Variants in EVC2 observed in about 807,000 individuals in gnomAD.
The protein encoded by EVC2 is EvC ciliary complex subunit 2.
In EVC2, 148 loss-of-function variants were observed where a neutral mutation model predicts 149.3. The observed-to-expected ratio is 0.99, with a 90% confidence interval of 0.87 to 1.14. The LOEUF is 1.14. Among genes scored for constraint, EVC2 ranks in the 50% most tolerant of loss-of-function variants. The pLI is 0.00. For synonymous variants in EVC2, 776 were observed against 649.9 expected, an observed-to-expected ratio of 1.19 and a Z score of -2.95; for missense variants, 1,854 against 1,627.3, an observed-to-expected ratio of 1.14 and a Z score of -2.40.
Position 5,694,361 on chromosome 4 carries a change from T to C in EVC2, c.424A>G (p.Arg142Gly). 1 of 1,614,144 alleles carries C rather than the reference T, an allele frequency of 6.2e-7. No individual in the cohort carries two copies. The highest frequency in any genetic ancestry group is 8.5e-7 in the Non-Finnish European group (1 of 1,180,000). The change falls in exon 3 of 22, where the codon AGA (arginine) becomes GGA (glycine). Residue 142 changes from arginine to glycine, a missense_variant. Coordinates refer to ENST00000344408, the MANE Select transcript of EVC2 (RefSeq NM_147127.5). Reference sequence around the variant, plus strand: ...AGGCGGTGTGTTATAGGAGACTCTCTTTTAAATAAGTTCTTCTTAGGCCAG... The same window carrying C: ...AGGCGGTGTGTTATAGGAGACTCTCCTTTAAATAAGTTCTTCTTAGGCCAG... ...PSWPKKNLFKRESPITHRLYG... is the reference protein window; with the variant it reads ...PSWPKKNLFKGESPITHRLYG...
intron 7 of EVC2, 84 bp downstream of exon 7, chr4:5,681,176 C>T (rs1023180083): frequency 1.8e-5 from 27 of 1,511,308 alleles, no homozygotes; most frequent in East Asian, 6.8e-5. Flanking sequence ...AGCAGCTGGC[C>T]GCTCCCCATG....
chr4:5,708,443 G>A lies in EVC2; in HGVS notation c.71C>T (p.Ala24Val), dbSNP rs1162069166. 3 of 1,506,552 alleles carry A rather than the reference G, an allele frequency of 2.0e-6. No individual in the cohort carries two copies. The highest frequency in any genetic ancestry group is 2.6e-6 in the Non-Finnish European group (3 of 1,135,244). 93.3% of individuals were successfully genotyped at this position (1,506,552 alleles called of 1,614,324 possible). ...LAGGLLAVAL[A>V]LGGRGCLGAS... ...GCCGAGACAGCCTCGGCCCCCCAGCGCCAGGGCCACTGCCAGGAGACCCCC... is the reference window on the plus strand; with the variant it reads ...GCCGAGACAGCCTCGGCCCCCCAGCACCAGGGCCACTGCCAGGAGACCCCC... The change falls in exon 1 of 22, where the codon GCG (alanine) becomes GTG (valine). Residue 24 changes from alanine (A) to valine (V), a missense_variant. Physicochemically the swap from Ala to Val is moderately conservative, Grantham distance 64. Transcript: ENST00000344408.
rs957727 is a variant in EVC2, at chr4:5,685,197, G to A, written c.816+173C>T. On this transcript the variant is annotated intron_variant, in intron 6 of 21. Transcript: ENST00000344408. The stretch of plus-strand genomic sequence containing the variant: ...CAAAGTCACATGGGCATTACTAAGG[G>A]AGCCCAGTTCATGGCAAGGCGTGTG... Among the ~76,000 whole-genome samples the A allele has an allele frequency of 0.63, 96,236 of 152,074 alleles. 30,785 individuals are homozygous for A. Among genetic ancestry groups the A allele is most frequent in the East Asian group, 0.72 (3,722 of 5,154 alleles).
At chr4:5,665,367 G>T in intron 8 of EVC2, 148 bp downstream of exon 8, 1 of 1,170,746 alleles carries the variant, frequency 8.5e-7, no homozygotes, top group Non-Finnish European at 1.2e-6. Flanking sequence ...ACAAACAGCA[G>T]TTTTGGAGGT....
chr4:5,615,339 C>G, intron 16 of EVC2, 83 bp downstream of exon 16: 2 of 1,603,062 alleles, frequency 1.2e-6, no homozygotes, highest in South Asian at 1.1e-5. Flanking sequence ...CCCAAGGGCT[C>G]TGTGTGCCTG....
At position 5,640,686 on chromosome 4, in the gene EVC2, T is replaced by G; in HGVS notation, c.1298A>C (p.Lys433Thr). 6.2e-7 allele frequency: 1 copy of G among 1,614,158 alleles called. No homozygotes were observed. Among genetic ancestry groups the G allele is most frequent in the Non-Finnish European group, 8.5e-7 (1 of 1,180,022 alleles). Residue 433 changes from lysine to threonine, a missense_variant, in exon 10 of 22, where the codon AAA (lysine) becomes ACA (threonine). Coordinates refer to ENST00000344408, the MANE Select transcript of EVC2 (RefSeq NM_147127.5). This position sits in a 1 kb window ranked among gnomAD's most constrained non-coding sequence, Gnocchi z 4.6. Reference sequence around the variant, plus strand: ...ATTTTCCAGCAATAGAAACTGCTTTTTGAAAACAGCACTCATTTTTCTCTC... The same window carrying G: ...ATTTTCCAGCAATAGAAACTGCTTTGTGAAAACAGCACTCATTTTTCTCTC... Reference protein sequence around the residue: ...QVERKMSAVFKKQFLLLENEI... With the variant: ...QVERKMSAVFTKQFLLLENEI...
intron 9 of EVC2, among the ~76,000 whole-genome samples, chr4:5,644,606 A>G (rs1717578981): frequency 6.6e-6 from 1 of 152,126 alleles, no homozygotes; most frequent in East Asian, 1.9e-4. Flanking sequence ...TCTGGCCACC[A>G]TCTTTTCTTT....
chr4:5,644,821 A>C (rs1717592838), intron 9 of EVC2, among the ~76,000 whole-genome samples: 1 of 152,118 alleles, frequency 6.6e-6, no homozygotes, highest in South Asian at 2.1e-4. Context: ...TGACATAATG[A>C]CCACTAGGTC....
rs1351273819 is a variant in EVC2, at chr4:5,636,442, CTTG to C, written c.1470+4069_1470+4071del. Among the ~76,000 whole-genome samples the C allele has an allele frequency of 3.9e-5, 6 of 152,156 alleles. No individual in the cohort carries two copies. The East Asian group carries it at 7.7e-4, about 20-fold the overall frequency. On this transcript the variant is annotated intron_variant, in intron 10 of 21. Transcript: ENST00000344408. This position sits in a 1 kb window ranked among gnomAD's most constrained non-coding sequence, Gnocchi z 4.6. Reference sequence around the variant, plus strand: ...TTGAACACATACAGACTATTTTTTTCTTGTTGTTATTCCCTAAACAACATTCCC... The same window carrying C: ...TTGAACACATACAGACTATTTTTTTCTTGTTATTCCCTAAACAACATTCCC...
At chr4:5,612,849 G>C (rs1353709418) in intron 16 of EVC2, among the ~76,000 whole-genome samples, 1 of 148,774 alleles carries the variant, frequency 6.7e-6, no homozygotes, top group Non-Finnish European at 1.5e-5. Flanking sequence ...GTGAACCCGG[G>C]AGGCAGAGCT....
chr4:5,601,791 C>T (rs895463082), intron 16 of EVC2, among the ~76,000 whole-genome samples: 7 of 152,094 alleles, frequency 4.6e-5, no homozygotes, highest in Admixed American at 1.3e-4. Context: ...AACGATAAAA[C>T]CAGGAAAGAG....
intron 16 of EVC2, among the ~76,000 whole-genome samples, chr4:5,594,666 T>A (rs1713205757): frequency 6.6e-6 from 1 of 152,056 alleles, no homozygotes; most frequent in Non-Finnish European, 1.5e-5. Flanking sequence ...AGAGCGCCTC[T>A]CCTCCTCCAA....
intron 21 of EVC2, among the ~76,000 whole-genome samples, chr4:5,543,891 GCCTCA>G (rs1160645971): frequency 2.0e-5 from 3 of 152,168 alleles, no homozygotes; most frequent in African/African-American, 7.2e-5. Flanking sequence ...AGGGGTGCAG[GCCTCA>G]GGCCTCAGGT....
chr4:5,597,140 A>C (rs530361158), intron 16 of EVC2, among the ~76,000 whole-genome samples: 5 of 152,358 alleles, frequency 3.3e-5, no homozygotes, highest in Admixed American at 3.3e-4. Flanking sequence ...CAGAGGTAGA[A>C]GGAGGAACTG....
intron 9 of EVC2, among the ~76,000 whole-genome samples, chr4:5,646,692 T>G (rs1282044524): frequency 6.6e-6 from 1 of 152,218 alleles, no homozygotes; most frequent in African/African-American, 2.4e-5. Flanking sequence ...TGTTTGTTTA[T>G]CAGCTTGTTT....
chr4:5,529,215 A>AG, the EVC2 span, among the ~76,000 whole-genome samples: 3 of 152,162 alleles, frequency 2.0e-5, no homozygotes, highest in Non-Finnish European at 4.4e-5. The surrounding 1 kb of genome is among the most constrained non-coding windows in gnomAD (Gnocchi z 4.5). Flanking sequence ...TACCTCATTC[A>AG]GGGGGTAAAG....
chr4:5,577,939 A>C (rs1723031990), intron 17 of EVC2, among the ~76,000 whole-genome samples: 2 of 152,088 alleles, frequency 1.3e-5, no homozygotes, highest in Admixed American at 6.5e-5. Flanking sequence ...AGCCCACCTC[A>C]AGAAGGGAGG....
intron 9 of EVC2, among the ~76,000 whole-genome samples, chr4:5,656,491 G>C (rs140051109): frequency 4.3e-4 from 65 of 152,302 alleles, no homozygotes; most frequent in African/African-American, 1.5e-3. Context: ...ATTAAGTGAA[G>C]GATCTTGACA....
At chr4:5,642,765 G>C (rs928990712) in intron 9 of EVC2, among the ~76,000 whole-genome samples, 8 of 152,258 alleles carry the variant, frequency 5.3e-5, no homozygotes, top group Admixed American at 3.3e-4. Context: ...TTGATAATTT[G>C]ATTTGGTGTA....
Sources: gnomAD v4.1 joint callset for allele counts (sites outside exome capture counted in the v4.1 genomes callset) on GRCh38, gnomAD v4.1.1 for gene constraint, Gnocchi (gnomAD v3.1) non-coding constraint, MANE v1.5 for transcripts, NCBI Gene and HGNC (gene_info 2026-07-23, HGNC 2026-07-21) for gene names.